Variants in CUBN observed in about 807,000 individuals in gnomAD.
CUBN encodes cubilin.
In CUBN, 282 loss-of-function variants were observed where a neutral mutation model predicts 405.3. That is an observed-to-expected ratio of 0.70 (90% CI 0.63 to 0.77). CUBN has a LOEUF of 0.77. Among genes scored for constraint, CUBN ranks in the 30% least tolerant of loss-of-function variants. The pLI is 0.00. For missense variants in CUBN, 4,514 were observed against 4,475.2 expected, an observed-to-expected ratio of 1.01 and a Z score of -0.25; for synonymous variants, 1,684 against 1,617.0, an observed-to-expected ratio of 1.04 and a Z score of -0.99.
At chr10:17,015,255 C>T (rs147717396) in intron 28 of CUBN, among the ~76,000 whole-genome samples, 1,990 of 152,268 alleles carry the variant, frequency 0.013, 14 homozygotes, top group Non-Finnish European at 0.022. Flanking sequence ...GCATTTTTTA[C>T]CCTTCCAAAT....
chr10:16,901,920 C>T (rs867912442), intron 51 of CUBN, among the ~76,000 whole-genome samples: 1 of 122,264 alleles, frequency 8.2e-6, no homozygotes. Flanking sequence ...TATATATATA[C>T]ACACACACAC....
rs11349387 is a variant in CUBN at position 17,073,444 on chromosome 10, C to CTTT, written c.2302-1476_2302-1474dup. Reference sequence around the variant, plus strand: ...ACTGATTTTAAATCAATAACCAGCTCTTTTTTTTTTTTTTTTTTTGAGATG... The same window carrying CTTT: ...ACTGATTTTAAATCAATAACCAGCTCTTTTTTTTTTTTTTTTTTTTTTGAGATG... On this transcript the variant is annotated intron_variant, in intron 17 of 66. Transcript: ENST00000377833. Among the ~76,000 whole-genome samples, 62 of 109,760 alleles carry CTTT rather than the reference C, an allele frequency of 5.6e-4. 2 individuals carry two copies. The highest frequency in any genetic ancestry group is 1.0e-3 in the Admixed American group (10 of 9,786). The allele number at this position is 109,760 out of a possible 152,430, so 72.0% of individuals were successfully genotyped here.
At position 17,045,977 on chromosome 10, in the gene CUBN, G is replaced by A. The variant is rs756076083; in HGVS notation, c.3447C>T (p.Asp1149=). ...LWLKFKSDQI[D]TRSGFSAYWD... Reference sequence around the variant, plus strand: ...AGTAAGCTGAGAATCCAGACCTTGTGTCTATTTGGTCACTCTTAAATTTTA... The same window carrying A: ...AGTAAGCTGAGAATCCAGACCTTGTATCTATTTGGTCACTCTTAAATTTTA... Residue 1149 remains aspartate (D), a synonymous_variant, in exon 24 of 67, where the codon GAC becomes GAT. Coordinates refer to ENST00000377833, the MANE Select transcript of CUBN (RefSeq NM_001081.4). 10 of 1,613,816 alleles carry A rather than the reference G, an allele frequency of 6.2e-6. No homozygotes were observed. In the Admixed American group the frequency reaches 1.5e-4, roughly 24 times the overall value.
At chr10:16,918,087 A>C (rs564649329) in intron 45 of CUBN, among the ~76,000 whole-genome samples, 17 of 152,270 alleles carry the variant, frequency 1.1e-4, no homozygotes, top group African/African-American at 4.1e-4. Flanking sequence ...GCTTTGTTGA[A>C]GATCAGATGC....
chr10:16,938,606 A>G (rs1468014482), intron 38 of CUBN, among the ~76,000 whole-genome samples: 1 of 152,132 alleles, frequency 6.6e-6, no homozygotes, highest in Non-Finnish European at 1.5e-5. Flanking sequence ...TTTTATATTT[A>G]TATTTATTTT....
At chr10:16,837,257 G>A (rs963656216) in intron 62 of CUBN, among the ~76,000 whole-genome samples, 1 of 151,892 alleles carries the variant, frequency 6.6e-6, no homozygotes, top group African/African-American at 2.4e-5. Context: ...CCTGGTAGAG[G>A]CTGTTCTTTA....
intron 48 of CUBN, among the ~76,000 whole-genome samples, chr10:16,907,957 A>C (rs1253617278): frequency 1.3e-5 from 2 of 152,160 alleles, no homozygotes; most frequent in African/African-American, 4.8e-5. Context: ...TTGCAACTGG[A>C]AACTGTGCTC....
chr10:16,833,765 C>T (rs113210143), intron 64 of CUBN, among the ~76,000 whole-genome samples: 274 of 152,276 alleles, frequency 1.8e-3, no homozygotes, highest in Non-Finnish European at 3.4e-3. Flanking sequence ...TAGAAAGAAT[C>T]GTCCCACAGA....
intron 46 of CUBN, 70 bp from the exon 47 acceptor site, chr10:16,915,242 C>T (rs1414857388): frequency 2.5e-6 from 4 of 1,584,316 alleles, no homozygotes; most frequent in African/African-American, 1.3e-5. Flanking sequence ...TTCAAGGTGT[C>T]CTGTGTGTAC....
At chr10:16,852,288 A>C (rs867934372) in intron 59 of CUBN, among the ~76,000 whole-genome samples, 2,150 of 19,692 alleles carry the variant, frequency 0.11, no homozygotes, top group Admixed American at 0.15. Context: ...TCCCTTCCTC[A>C]CTCTATCTTT....
intron 59 of CUBN, among the ~76,000 whole-genome samples, chr10:16,862,680 T>C (rs1283001129): frequency 6.6e-6 from 1 of 152,250 alleles, no homozygotes; most frequent in Admixed American, 6.5e-5. Flanking sequence ...ATTTTGTTTT[T>C]ATGTTCCTGG....
At chr10:16,856,343 T>C (rs1839868546) in intron 59 of CUBN, among the ~76,000 whole-genome samples, 1 of 152,144 alleles carries the variant, frequency 6.6e-6, no homozygotes, top group Non-Finnish European at 1.5e-5. Context: ...CTTTCTTCCC[T>C]GAATTGGAAA....
chr10:16,835,013 C>A lies in CUBN; in HGVS notation c.10362+1G>T. 1 of 1,613,048 alleles carries A rather than the reference C, an allele frequency of 6.2e-7. No individual in the cohort carries two copies. The highest frequency in any genetic ancestry group is 8.5e-7 in the Non-Finnish European group (1 of 1,179,064). On this transcript the variant is annotated splice_donor_variant, in intron 64 of 66. Transcript: ENST00000377833. LOFTEE classifies it high-confidence loss of function. ...TCAAACGATATTCAAATGCATATCA[C>A]CTCCAAGAAATCGTTTCTGCATTCA... is the stretch of plus-strand genomic sequence containing the variant.
At chr10:16,965,836 AC>A (rs1346756232) in intron 31 of CUBN, 1 of 362,772 alleles carries the variant, frequency 2.8e-6, no homozygotes, top group Non-Finnish European at 5.5e-6. Flanking sequence ...ACATTTGTTT[AC>A]ATTTGATTCT....
chr10:17,084,111 C>T (rs975216122), intron 17 of CUBN, among the ~76,000 whole-genome samples, 160 bp downstream of exon 17: 11 of 152,290 alleles, frequency 7.2e-5, no homozygotes, highest in African/African-American at 2.6e-4. Flanking sequence ...CCTTATTTGC[C>T]TGCACCTTAG....
At chr10:17,039,220 G>A (rs573462497) in intron 27 of CUBN, among the ~76,000 whole-genome samples, 2 of 152,306 alleles carry the variant, frequency 1.3e-5, no homozygotes, top group East Asian at 1.9e-4. Flanking sequence ...GCAAGATCAT[G>A]AGTCCTATTT....
At chr10:17,116,045 C>T (rs1203333920) in intron 6 of CUBN, among the ~76,000 whole-genome samples, 1 of 152,192 alleles carries the variant, frequency 6.6e-6, no homozygotes, top group East Asian at 1.9e-4. Flanking sequence ...TATAACCCCA[C>T]ACGCAATCCA....
At position 17,043,918 on chromosome 10, in the gene CUBN, AG is replaced by A; in HGVS notation, c.3737del (p.Pro1246LeufsTer12). 1 of 1,613,616 alleles carries A rather than the reference AG, an allele frequency of 6.2e-7. No homozygotes were observed. Among genetic ancestry groups the A allele is most frequent in the Non-Finnish European group, 8.5e-7 (1 of 1,179,706 alleles). ...TGCTGTCTCCACTAGAACGAATAAGAGGGGGTTTCTCATCCCCACAAAGCTG... is the reference window on the plus strand; with the variant it reads ...TGCTGTCTCCACTAGAACGAATAAGAGGGGTTTCTCATCCCCACAAAGCTG... ...LTQLCGDEKP[P>X]LIRSSGDSMF... is the part of the protein sequence containing the mutation. On this transcript the variant is annotated frameshift_variant, in exon 26 of 67. Transcript: ENST00000377833. LOFTEE classifies it high-confidence loss of function.
chr10:17,086,327 T>C (rs944100362), intron 15 of CUBN, among the ~76,000 whole-genome samples: 1 of 152,164 alleles, frequency 6.6e-6, no homozygotes, highest in African/African-American at 2.4e-5. Context: ...ATGTTACTAA[T>C]CAAAGATCTT....
Sources: gnomAD v4.1 joint callset for allele counts (sites outside exome capture counted in the v4.1 genomes callset) on GRCh38, gnomAD v4.1.1 for gene constraint, MANE v1.5 for transcripts, NCBI Gene and HGNC (gene_info 2026-07-23, HGNC 2026-07-21) for gene names.